CALN1: variants seen among roughly 807,000 people sequenced by gnomAD.
CALN1 encodes the protein calneuron 1, also known as calcium-binding protein 8.
Under a neutral mutation model 30.6 loss-of-function variants are expected in CALN1, and 17 were observed. The observed-to-expected ratio is 0.56, with a 90% CI of 0.38 to 0.83. The LOEUF is 0.83. Ranked by LOEUF, CALN1 falls within the 40% of genes least tolerant of loss-of-function variation. The probability of loss-of-function intolerance (pLI) is 0.00; values close to 1 mark genes in which losing one functional copy is unlikely to be tolerated. For missense variants in CALN1, 291 were observed against 354.9 expected, an observed-to-expected ratio of 0.82 and a Z score of 1.45; for synonymous variants, 156 against 131.4, an observed-to-expected ratio of 1.19 and a Z score of -1.28.
chr7:72,090,619 C>A (rs910716686), intron 4 of CALN1, among the ~76,000 whole-genome samples: 14 of 152,184 alleles, frequency 9.2e-5, no homozygotes, highest in African/African-American at 2.9e-4. Context: ...ATTCCCTTAT[C>A]TGCACTTTCG....
At chr7:72,011,229 A>C (rs1005502604) in intron 5 of CALN1, among the ~76,000 whole-genome samples, 3 of 152,118 alleles carry the variant, frequency 2.0e-5, no homozygotes, top group Non-Finnish European at 4.4e-5. Context: ...AAAAAACAAA[A>C]AAAAACAAAA....
At chr7:71,817,761 G>T (rs960675389) in intron 5 of CALN1, among the ~76,000 whole-genome samples, 2 of 152,060 alleles carry the variant, frequency 1.3e-5, no homozygotes, top group Non-Finnish European at 2.9e-5. Context: ...TAATCCACCT[G>T]CCTTGGCCTC....
intron 3 of CALN1, among the ~76,000 whole-genome samples, chr7:72,136,220 TTCA>T: frequency 6.6e-6 from 1 of 152,262 alleles, no homozygotes; most frequent in African/African-American, 2.4e-5. Context: ...TGTAGCCACC[TTCA>T]TCAATTTTCT....
At chr7:71,867,144 C>CAAA (rs745359572) in intron 5 of CALN1, among the ~76,000 whole-genome samples, 1 of 138,968 alleles carries the variant, frequency 7.2e-6, no homozygotes. Context: ...GACTCTGTCT[C>CAAA]AAAAAAAAAA....
the CALN1 span, among the ~76,000 whole-genome samples, chr7:72,484,410 C>T: frequency 1.3e-5 from 2 of 152,140 alleles, no homozygotes; most frequent in Non-Finnish European, 2.9e-5. Context: ...TGAACTCTAA[C>T]TTCTGTCCCA....
At chr7:72,501,369 T>TGAAAAAAAA in the CALN1 span, among the ~76,000 whole-genome samples, 1 of 15,486 alleles carries the variant, frequency 6.5e-5, no homozygotes, top group African/African-American at 3.0e-4. Context: ...CACGTCTCTA[T>TGAAAAAAAA]TAAAAAAAAA....
At chr7:71,812,925 TCATC>T (rs1562802033) in intron 5 of CALN1, among the ~76,000 whole-genome samples, 68 of 85,564 alleles carry the variant, frequency 7.9e-4, no homozygotes, top group African/African-American at 2.5e-3. Flanking sequence ...TTTATCATCA[TCATC>T]ATTATTATTA....
chr7:72,462,014 A>G, the CALN1 span, among the ~76,000 whole-genome samples: 7 of 143,604 alleles, frequency 4.9e-5, no homozygotes, highest in Non-Finnish European at 1.0e-4. Context: ...TCTCAAAAAG[A>G]AAGAAAGAAA....
intron 5 of CALN1, among the ~76,000 whole-genome samples, chr7:71,890,967 G>A (rs980978132): frequency 1.1e-4 from 17 of 151,770 alleles, no homozygotes; most frequent in Non-Finnish European, 4.4e-5. Context: ...GCCTAGTTGC[G>A]AACTCCTGGG....
the CALN1 span, among the ~76,000 whole-genome samples, chr7:72,456,976 T>A: frequency 6.6e-6 from 1 of 151,872 alleles, no homozygotes; most frequent in South Asian, 2.1e-4. Context: ...CATAATTGGT[T>A]CAGTCTTTTT....
intron 3 of CALN1, among the ~76,000 whole-genome samples, chr7:72,208,279 G>A (rs1050402278): frequency 4.6e-5 from 7 of 152,186 alleles, no homozygotes; most frequent in Non-Finnish European, 1.0e-4. Context: ...CAAGAGAAAA[G>A]TTATTTTTAA....
chr7:71,793,083 T>A (rs1786673411), intron 6 of CALN1, among the ~76,000 whole-genome samples: 1 of 151,880 alleles, frequency 6.6e-6, no homozygotes, highest in Non-Finnish European at 1.5e-5. Flanking sequence ...GGTGGGTGGA[T>A]CACCTGAGGT....
chr7:72,047,429 CAAAT>C (rs555017498), intron 4 of CALN1, among the ~76,000 whole-genome samples: 78 of 152,074 alleles, frequency 5.1e-4, no homozygotes, highest in African/African-American at 1.9e-3. Context: ...CTCTACAAAA[CAAAT>C]AAAAAATTAG....
chr7:72,394,895 T>C (rs1805814021), intron 2 of CALN1, among the ~76,000 whole-genome samples: 1 of 152,048 alleles, frequency 6.6e-6, no homozygotes, highest in Admixed American at 6.6e-5. Flanking sequence ...TGGACTCAAG[T>C]GATCCTCCCA....
intron 5 of CALN1, among the ~76,000 whole-genome samples, chr7:71,896,364 TTTC>T (rs1483879325): frequency 6.6e-6 from 1 of 152,160 alleles, no homozygotes; most frequent in Non-Finnish European, 1.5e-5. Flanking sequence ...AGAGAACTTC[TTTC>T]TTTCTTACAA....
intron 2 of CALN1, among the ~76,000 whole-genome samples, chr7:72,299,463 C>CAGAGTTTACGTAAAATAAA (rs76299508): frequency 6.6e-6 from 1 of 151,990 alleles, no homozygotes. Context: ...AGTTAAGAGG[C>CAGAGTTTACGTAAAATAAA]AGAAATTACA....
intron 3 of CALN1, among the ~76,000 whole-genome samples, chr7:72,155,632 G>A (rs923685307): frequency 6.6e-6 from 1 of 152,236 alleles, no homozygotes; most frequent in African/African-American, 2.4e-5. Flanking sequence ...GATCCTATTG[G>A]CCAGAGACCC....
intron 3 of CALN1, among the ~76,000 whole-genome samples, chr7:72,119,373 A>AT (rs1808219482): frequency 6.6e-6 from 1 of 152,148 alleles, no homozygotes; most frequent in African/African-American, 2.4e-5. Context: ...ATTAACTATC[A>AT]TGAGAACAGC....
chr7:72,132,574 A>G (rs1032897765), intron 3 of CALN1, among the ~76,000 whole-genome samples: 4 of 152,172 alleles, frequency 2.6e-5, no homozygotes, highest in African/African-American at 4.8e-5. Context: ...CACAATAAAT[A>G]TATGTTTGCA....
Sources: gnomAD v4.1 joint callset for allele counts (sites outside exome capture counted in the v4.1 genomes callset) on GRCh38, gnomAD v4.1.1 for gene constraint, MANE v1.5 for transcripts, NCBI Gene and HGNC (gene_info 2026-07-23, HGNC 2026-07-21) for gene names.